The following AMOT variants were observed in gnomAD, a reference collection of about 807,000 sequenced individuals.
AMOT encodes angiomotin.
AMOT carries 11 observed loss-of-function variants against 67.0 expected under a neutral mutation model. That is an observed-to-expected ratio of 0.16 (90% CI 0.10 to 0.27). The LOEUF (loss-of-function observed/expected upper bound fraction) is 0.27, where lower values mean the gene tolerates loss of function less well. Among genes scored for constraint, AMOT ranks in the 10% least tolerant of loss-of-function variants. AMOT has a pLI of 1.00. For missense variants in AMOT, 753 were observed against 852.0 expected (o/e 0.88, Z 1.45); for synonymous variants, 326 against 321.4 (o/e 1.01, Z -0.15).
chrX:112,808,277 C>T (rs1934252868), intron 7 of AMOT, among the ~76,000 whole-genome samples: 1 of 112,183 alleles, frequency 8.9e-6, no homozygotes, highest in South Asian at 3.7e-4. Flanking sequence ...GCTTGACTAA[C>T]TTGTACAAGG....
At chrX:112,833,781 A>G (rs1472979056) in intron 1 of AMOT, among the ~76,000 whole-genome samples, 2 of 112,245 alleles carry the variant, frequency 1.8e-5, no homozygotes, top group Admixed American at 1.9e-4. Context: ...AAAACTCTGA[A>G]CTGAAAATCT....
intron 2 of AMOT, among the ~76,000 whole-genome samples, chrX:112,827,184 C>T (rs1198531869): frequency 8.9e-6 from 1 of 112,704 alleles, no homozygotes; most frequent in East Asian, 2.8e-4. Context: ...AAACCCAAAT[C>T]ACTTTATGTT....
chrX:112,790,886 G>A lies in AMOT; in HGVS notation c.1927-104C>T, dbSNP rs1010483499. ...TTACTGCCCAGCCTACTTCTGTTTCGACTCTGATTCAGAAAGAAGCAGGGG... is the reference window on the plus strand; with the variant it reads ...TTACTGCCCAGCCTACTTCTGTTTCAACTCTGATTCAGAAAGAAGCAGGGG... On this transcript the variant is annotated intron_variant, in intron 9 of 13. Transcript: ENST00000371959. 10 of 756,827 alleles carry A rather than the reference G, an allele frequency of 1.3e-5. No individual in the cohort carries two copies. The Admixed American group carries it at 1.4e-4, about 10-fold the overall frequency. The allele number at this position is 756,827 out of a possible 1,213,427, so 62.4% of individuals were successfully genotyped here.
intron 8 of AMOT, among the ~76,000 whole-genome samples, chrX:112,803,519 T>C (rs1253705466): frequency 8.9e-6 from 1 of 112,391 alleles, no homozygotes; most frequent in Admixed American, 9.4e-5. Flanking sequence ...ATAGTTCTAA[T>C]ATAGACAACT....
At chrX:112,780,385 C>A in intron 12 of AMOT, 1 of 118,614 alleles carries the variant, frequency 8.4e-6, no homozygotes, top group East Asian at 2.7e-4. Flanking sequence ...TGGACAGGAA[C>A]GGAATGAAAA....
At chrX:112,820,328 G>A (rs1934680265) in intron 4 of AMOT, among the ~76,000 whole-genome samples, 1 of 111,132 alleles carries the variant, frequency 9.0e-6, no homozygotes, top group Non-Finnish European at 1.9e-5. Flanking sequence ...AGATAACTTA[G>A]GTGGGAGGAT....
rs1319312612 is a variant in AMOT, at chrX:112,822,243, GA to G, written c.872+11del. ...ATGAGGTCAGGAAATGACAGAAACA[GA>G]ACTCTCTTACCTGGCTGCTCCATAC... On this transcript the variant is annotated intron_variant, in intron 4 of 13. Transcript: ENST00000371959. 1 of 1,087,248 alleles carries G rather than the reference GA, an allele frequency of 9.2e-7. No individual in the cohort carries two copies. The highest frequency in any genetic ancestry group is 3.9e-5 in the Admixed American group (1 of 25,875). 89.6% of individuals were successfully genotyped at this position (1,087,248 alleles called of 1,213,427 possible).
In AMOT at chrX:112,805,001, G is replaced by T. The variant is rs1043734098; in HGVS notation, c.1722C>A (p.Ile574=). 5 of 1,208,985 alleles carry T rather than the reference G, an allele frequency of 4.1e-6. No homozygotes were observed. The African/African-American group carries it at 7.0e-5, about 17-fold the overall frequency. Residue 574 remains isoleucine (I), a synonymous_variant, in exon 8 of 14, where the codon ATC becomes ATA. Transcript: ENST00000371959. Reference sequence around the variant, plus strand: ...GGGCATTACTCAGGGCCTGATCTCGGATTTCGATGTGTCGTCTTTGGTCCT... The same window carrying T: ...GGGCATTACTCAGGGCCTGATCTCGTATTTCGATGTGTCGTCTTTGGTCCT... ...TNEDQRRHIE[I]RDQALSNAQA...
At position 112,815,505 on chromosome X, in the gene AMOT, T is replaced by C. The variant is rs1934516703; in HGVS notation, c.1245A>G (p.Pro415=). 1.7e-6 allele frequency: 2 copies of C among 1,211,587 alleles called. No homozygotes were observed. Among genetic ancestry groups the C allele is most frequent in the African/African-American group, 1.7e-5 (1 of 57,711 alleles). ...EAYSAMPRAQ[P]SSASYQPVPA... ...GCACTGGCTGATAAGAAGCAGAGGATGGCTGAGCCCGAGGCATAGCTGAAT... is the reference window on the plus strand; with the variant it reads ...GCACTGGCTGATAAGAAGCAGAGGACGGCTGAGCCCGAGGCATAGCTGAAT... The change falls in exon 5 of 14, where the codon CCA becomes CCG. Residue 415 remains proline, a synonymous_variant. Transcript: ENST00000371959.
intron 4 of AMOT, among the ~76,000 whole-genome samples, chrX:112,818,103 G>GA (rs1934616595): frequency 9.0e-6 from 1 of 111,142 alleles, no homozygotes. Flanking sequence ...AATTTTAAGG[G>GA]AAAAAAATCA....
At chrX:112,780,382 G>C (rs926157081) in intron 12 of AMOT, 1 of 117,397 alleles carries the variant, frequency 8.5e-6, no homozygotes, top group African/African-American at 3.2e-5. Context: ...GAATGGACAG[G>C]AACGGAATGA....
rs1259925327 is a variant in AMOT at position 112,777,431 on chromosome X, C to T, written c.*1136G>A. On this transcript the variant is annotated 3_prime_UTR_variant, in exon 14 of 14. Coordinates refer to ENST00000371959, the MANE Select transcript of AMOT (RefSeq NM_001113490.2). ...AGGATACTGCTGCAATCCACCTCTC[C>T]CCCGACTGCAGCATAGTACTTTGGG... 1 of 112,134 alleles carries T rather than the reference C, an allele frequency of 8.9e-6. No individual in the cohort carries two copies. Among genetic ancestry groups the T allele is most frequent in the African/African-American group, 3.2e-5 (1 of 30,799 alleles). The allele number at this position is 112,134 out of a possible 1,213,427, so 9.2% of individuals were successfully genotyped here.
chrX:112,802,882 TGAAC>T (rs1934058362), intron 8 of AMOT, among the ~76,000 whole-genome samples: 1 of 111,795 alleles, frequency 8.9e-6, no homozygotes, highest in African/African-American at 3.3e-5. Flanking sequence ...GAACTAGAAA[TGAAC>T]ATTTTCTCCC....
At chrX:112,840,123 A>T (rs1179073559) in intron 1 of AMOT, among the ~76,000 whole-genome samples, 1 of 111,315 alleles carries the variant, frequency 9.0e-6, no homozygotes, top group Non-Finnish European at 1.9e-5. Flanking sequence ...TGTAGATTTC[A>T]GCTTCCCTCG....
At chrX:112,814,702 GCTGTCAC>G (rs1351060824) in intron 5 of AMOT, among the ~76,000 whole-genome samples, 1 of 111,687 alleles carries the variant, frequency 9.0e-6, no homozygotes, top group African/African-American at 3.3e-5. Flanking sequence ...TCAGCCTAGG[GCTGTCAC>G]CTGTCACCCA....
intron 2 of AMOT, among the ~76,000 whole-genome samples, chrX:112,831,546 C>T (rs969026311): frequency 1.4e-4 from 15 of 110,108 alleles, no homozygotes; most frequent in African/African-American, 4.3e-4. Flanking sequence ...CCCAATTCAA[C>T]GGGAAAACAG....
chrX:112,837,898 T>C (rs909217742), intron 1 of AMOT, among the ~76,000 whole-genome samples: 1 of 111,778 alleles, frequency 8.9e-6, no homozygotes, highest in African/African-American at 3.3e-5. Context: ...AAAGAGATGA[T>C]GTAATAGGAG....
At chrX:112,796,033 TAAA>T (rs746583302) in intron 8 of AMOT, among the ~76,000 whole-genome samples, 1 of 99,756 alleles carries the variant, frequency 1.0e-5, no homozygotes, top group Non-Finnish European at 2.0e-5. Flanking sequence ...TTCAGAAGTT[TAAA>T]AAAAAAAAAA....
At position 112,781,041 on chromosome X, in the gene AMOT, G is replaced by C. The variant is rs768234510; in HGVS notation, c.2318C>G (p.Pro773Arg). 6.6e-6 allele frequency: 8 copies of C among 1,211,868 alleles called. No homozygotes were observed. The highest frequency in any genetic ancestry group is 8.9e-6 in the Non-Finnish European group (8 of 895,569). The change falls in exon 12 of 14, where the codon CCG becomes CGG. Residue 773 changes from proline (P) to arginine (R), a missense_variant. Coordinates refer to ENST00000371959, the MANE Select transcript of AMOT (RefSeq NM_001113490.2). ...GCACGACAGCTGCTCTGTCTTGCTC[G>C]GCTCCTTCCGGGAACGCTGCTGGAG... ...KVLQQRSRKE[P>R]SKTEQLSCMR...
Sources: gnomAD v4.1 joint callset for allele counts (sites outside exome capture counted in the v4.1 genomes callset) on GRCh38, gnomAD v4.1.1 for gene constraint, MANE v1.5 for transcripts, NCBI Gene and HGNC (gene_info 2026-07-23, HGNC 2026-07-21) for gene names.